MTUS1: variants seen among roughly 807,000 people sequenced by gnomAD.
The protein encoded by MTUS1 is microtubule associated scaffold protein 1, also known as microtubule-associated tumor suppressor 1.
In MTUS1, 109 loss-of-function variants were observed where a neutral mutation model predicts 120.8. The observed-to-expected ratio is 0.90, with a 90% CI of 0.77 to 1.06. The LOEUF is 1.06. Among genes scored for constraint, MTUS1 ranks in the 50% least tolerant of loss-of-function variants. MTUS1 has a pLI of 0.00. For missense variants in MTUS1, 2,210 were observed against 1,486.3 expected (o/e 1.49, Z -8.01); for synonymous variants, 737 against 550.5 (o/e 1.34, Z -4.74).
rs187570421 is a variant in MTUS1 at position 17,754,030 on chromosome 8, T to A, written c.1778A>T (p.His593Leu). The change falls in exon 2 of 15, where the codon CAT becomes CTT. Residue 593 changes from histidine to leucine, a missense_variant. Physicochemically the swap from His to Leu is moderately conservative, Grantham distance 99. Coordinates refer to ENST00000693296, the MANE Select transcript of MTUS1 (RefSeq NM_001363059.2). ...ITSQAVHVTT[H>L]SKNASHRVPR... Reference sequence around the variant, plus strand: ...AACCCTGTGTGAAGCATTTTTAGAATGAGTTGTAACATGCACAGCCTGGCT... The same window carrying A: ...AACCCTGTGTGAAGCATTTTTAGAAAGAGTTGTAACATGCACAGCCTGGCT... The A allele has an allele frequency of 3.7e-5, 60 of 1,614,196 alleles. 1 individual carries two copies. In the East Asian group the frequency reaches 1.1e-3, roughly 31 times the overall value.
chr8:17,645,268 C>G lies in MTUS1; in HGVS notation c.*658G>C, dbSNP rs1563544762. ...AGAGAATGTATAGACAGGGACAAGT[C>G]AAAGCTCTTCCTGTTATACCCTCTC... On this transcript the variant is annotated 3_prime_UTR_variant, in exon 15 of 15. Transcript: ENST00000693296. The G allele has an allele frequency of 2.0e-5, 3 of 152,570 alleles. No homozygotes were observed. The highest frequency in any genetic ancestry group is 7.2e-5 in the African/African-American group (3 of 41,430). The allele number at this position is 152,570 out of a possible 1,614,324, so 9.5% of individuals were successfully genotyped here. A position where few individuals can be genotyped will look rare whatever the true frequency, so the allele number is the denominator to read the frequency against.
intron 1 of MTUS1, among the ~76,000 whole-genome samples, chr8:17,779,758 C>A (rs2050726608): frequency 6.6e-6 from 1 of 152,214 alleles, no homozygotes. Context: ...CTAAGAGATT[C>A]TTCTTTGATC....
rs371254277 is a variant in MTUS1, at chr8:17,794,360, C to A, written c.-155+6701G>T. Among the ~76,000 whole-genome samples the A allele has an allele frequency of 3.9e-5, 6 of 152,070 alleles. No homozygotes were observed. The East Asian group carries it at 5.8e-4, about 15-fold the overall frequency. On this transcript the variant is annotated intron_variant, in intron 1 of 14. Coordinates refer to ENST00000693296, the MANE Select transcript of MTUS1 (RefSeq NM_001363059.2). ...AAAGATAAAAGAAAAAAAAATCAAA[C>A]ATAATATTCTAACAGCAAGGATTTT...
chr8:17,728,206 T>G (rs979886298), intron 3 of MTUS1, among the ~76,000 whole-genome samples: 1 of 152,130 alleles, frequency 6.6e-6, no homozygotes, highest in Admixed American at 6.5e-5. Context: ...GATGAATACG[T>G]CCTACAGATG....
At chr8:17,767,833 C>G (rs1016253694) in intron 1 of MTUS1, among the ~76,000 whole-genome samples, 1 of 151,982 alleles carries the variant, frequency 6.6e-6, no homozygotes, top group African/African-American at 2.4e-5. Flanking sequence ...ACTCTGAGAG[C>G]AATGGGAGTC....
At chr8:17,780,817 T>C (rs424172) in intron 1 of MTUS1, 45,768 of 151,620 alleles carry the variant, frequency 0.3, 9,219 homozygotes, top group African/African-American at 0.55. Flanking sequence ...TGGCCTCCTA[T>C]CACATCTAAT....
intron 6 of MTUS1, among the ~76,000 whole-genome samples, chr8:17,712,204 C>G (rs938683199): frequency 1.3e-5 from 2 of 152,124 alleles, no homozygotes; most frequent in African/African-American, 2.4e-5. Flanking sequence ...GATGCTTGTA[C>G]CTTCGTTTCT....
At chr8:17,715,238 T>A (rs1437750218) in intron 5 of MTUS1, among the ~76,000 whole-genome samples, 1 of 152,096 alleles carries the variant, frequency 6.6e-6, no homozygotes, top group African/African-American at 2.4e-5. Context: ...TTGGCCCCAC[T>A]GAGACAAAGC....
At chr8:17,772,196 A>G (rs938191405) in intron 1 of MTUS1, among the ~76,000 whole-genome samples, 5 of 152,228 alleles carry the variant, frequency 3.3e-5, no homozygotes, top group African/African-American at 1.2e-4. Context: ...AATACTGCAG[A>G]CTAATCCTAC....
At chr8:17,650,073 C>G (rs1806662274) in intron 12 of MTUS1, 111 bp from the exon 13 acceptor site, 2 of 740,126 alleles carry the variant, frequency 2.7e-6, no homozygotes, top group South Asian at 1.5e-5. Flanking sequence ...GACAGATGTT[C>G]ATCATCTTAG....
In MTUS1 at chr8:17,755,068, G is replaced by C; in HGVS notation, c.740C>G (p.Ser247Cys). The change falls in exon 2 of 15, where the codon TCT (serine) becomes TGT (cysteine). Residue 247 changes from serine (S) to cysteine (C), a missense_variant. Transcript: ENST00000693296. The part of the protein sequence containing the change: ...EAQDMTYTAF[S>C]DVVMQSEVFV... ...AACCTCACTTTGCATCACCACATCA[G>C]AAAATGCTGTGTAAGTCATGTCTTG... The C allele has an allele frequency of 1.9e-6, 3 of 1,613,774 alleles. No individual in the cohort carries two copies. Among genetic ancestry groups the C allele is most frequent in the Non-Finnish European group, 2.5e-6 (3 of 1,180,040 alleles).
At chr8:17,788,121 CA>C (rs1158573994) in intron 1 of MTUS1, among the ~76,000 whole-genome samples, 45 of 142,368 alleles carry the variant, frequency 3.2e-4, no homozygotes, top group Admixed American at 3.5e-4. Context: ...AACTCCATCT[CA>C]AAAAAAAAAA....
At chr8:17,788,128 A>C (rs1230867580) in intron 1 of MTUS1, among the ~76,000 whole-genome samples, 1 of 152,240 alleles carries the variant, frequency 6.6e-6, no homozygotes, top group African/African-American at 2.4e-5. Context: ...TCTCAAAAAA[A>C]AAAAGACATT....
intron 1 of MTUS1, among the ~76,000 whole-genome samples, chr8:17,767,716 A>AC (rs2049663325): frequency 6.6e-6 from 1 of 151,360 alleles, no homozygotes; most frequent in Admixed American, 6.6e-5. Flanking sequence ...AAAAAAAAAA[A>AC]AACGGTGTGA....
Position 17,753,888 on chromosome 8 carries a change from T to C in MTUS1, c.1920A>G (p.Ile640Met), listed in dbSNP as rs113445081. 2 of 1,614,134 alleles carry C rather than the reference T, an allele frequency of 1.2e-6. No individual in the cohort carries two copies. Among genetic ancestry groups the C allele is most frequent in the Admixed American group, 1.7e-5 (1 of 60,008 alleles). The change falls in exon 2 of 15, where the codon ATA becomes ATG. Residue 640 changes from isoleucine to methionine, a missense_variant. Physicochemically the swap from Ile to Met is conservative, Grantham distance 10. Coordinates refer to ENST00000693296, the MANE Select transcript of MTUS1 (RefSeq NM_001363059.2). The part of the protein sequence containing the change: ...VSALFQKIKG[I>M]LPVKMESAEC... ...CTGCACTTTCCATTTTAACAGGGAG[T>C]ATGCCTTTGATCTTCTGAAACAACG...
chr8:17,752,216 A>T (rs1051431883), intron 2 of MTUS1, among the ~76,000 whole-genome samples: 6 of 65,318 alleles, frequency 9.2e-5, no homozygotes, highest in Non-Finnish European at 2.2e-4. Context: ...AAATGTCATT[A>T]AAGAAAAAGA....
chr8:17,745,858 C>T (rs2979786), intron 2 of MTUS1, among the ~76,000 whole-genome samples: 16,814 of 152,196 alleles, frequency 0.11, 964 homozygotes, highest in Admixed American at 0.14. Context: ...AATCTCACAT[C>T]GAATTGTAAT....
chr8:17,687,413 C>A (rs1289761887), intron 6 of MTUS1, among the ~76,000 whole-genome samples: 1 of 152,138 alleles, frequency 6.6e-6, no homozygotes, highest in African/African-American at 2.4e-5. Flanking sequence ...GCCAGGGGTT[C>A]CCTTAAATCC....
chr8:17,647,619 G>C lies in MTUS1; in HGVS notation c.3502-540C>G, dbSNP rs1031212487. 5.3e-5 allele frequency among the ~76,000 whole-genome samples: 8 copies of C among 152,286 alleles called. No individual in the cohort carries two copies. In the East Asian group the frequency reaches 1.5e-3, roughly 29 times the overall value. On this transcript the variant is annotated intron_variant, in intron 13 of 14. Coordinates refer to ENST00000693296, the MANE Select transcript of MTUS1 (RefSeq NM_001363059.2). ...AAGCTTCAATTCGATAGAGCTCTTAGAGCATGCCATCAAAGAAGTAACATG... is the reference window on the plus strand; with the variant it reads ...AAGCTTCAATTCGATAGAGCTCTTACAGCATGCCATCAAAGAAGTAACATG...
Sources: gnomAD v4.1 joint callset for allele counts (sites outside exome capture counted in the v4.1 genomes callset) on GRCh38, gnomAD v4.1.1 for gene constraint, MANE v1.5 for transcripts, NCBI Gene and HGNC (gene_info 2026-07-23, HGNC 2026-07-21) for gene names.